Variants in AEBP2 observed in about 807,000 individuals in gnomAD.
AEBP2 encodes the protein AE binding protein 2.
Under a neutral mutation model 50.8 loss-of-function variants are expected in AEBP2, and 10 were observed. The observed-to-expected ratio is 0.20, with a 90% CI of 0.12 to 0.33. AEBP2 has a LOEUF of 0.33. AEBP2 is among the 10% of genes least tolerant of loss of function. The pLI is 1.00. For synonymous variants in AEBP2, 296 were observed against 261.3 expected, an observed-to-expected ratio of 1.13 and a Z score of -1.28; for missense variants, 570 against 688.0, an observed-to-expected ratio of 0.83 and a Z score of 1.92.
At chr12:19,448,116 A>C (rs1010532738) in intron 1 of AEBP2, among the ~76,000 whole-genome samples, 13 of 151,990 alleles carry the variant, frequency 8.6e-5, no homozygotes, top group African/African-American at 2.9e-4. Context: ...TATGTTGCCG[A>C]GACTGGTTTT....
At chr12:19,455,205 T>C (rs2638421) in intron 1 of AEBP2, among the ~76,000 whole-genome samples, 1 of 151,940 alleles carries the variant, frequency 6.6e-6, no homozygotes, top group Non-Finnish European at 1.5e-5. Context: ...GTTGCCCAGG[T>C]TGCTCTTGAA....
chr12:19,501,217 GTTAC>G (rs1949068998), intron 5 of AEBP2, among the ~76,000 whole-genome samples: 1 of 151,728 alleles, frequency 6.6e-6, no homozygotes, highest in Non-Finnish European at 1.5e-5. Context: ...TGCAATCCCA[GTTAC>G]TTGGGAGGCT....
At chr12:19,462,867 A>G (rs2153370308) in intron 2 of AEBP2, 150 bp downstream of exon 2, 1 of 723,346 alleles carries the variant, frequency 1.4e-6, no homozygotes, top group Non-Finnish European at 2.2e-6. Flanking sequence ...ATTATTTCCC[A>G]TATACTTGAT....
chr12:19,489,623 A>G (rs1241065314), intron 3 of AEBP2, among the ~76,000 whole-genome samples: 2 of 152,204 alleles, frequency 1.3e-5, no homozygotes, highest in Non-Finnish European at 2.9e-5. Context: ...GTGAAAATAT[A>G]AAACATATTT....
intron 1 of AEBP2, among the ~76,000 whole-genome samples, chr12:19,444,115 TA>T (rs1302996099): frequency 6.6e-6 from 1 of 152,192 alleles, no homozygotes; most frequent in African/African-American, 2.4e-5. Context: ...TTAAAAAAGT[TA>T]TGCTCTTAGG....
intron 7 of AEBP2, 74 bp downstream of exon 7, chr12:19,514,858 G>C: frequency 1.7e-6 from 2 of 1,164,524 alleles, no homozygotes; most frequent in African/African-American, 1.6e-5. Context: ...GATAAATTAG[G>C]ACTTAGTTTT....
At chr12:19,513,165 CTTTG>C (rs1949261935) in intron 6 of AEBP2, among the ~76,000 whole-genome samples, 1 of 152,076 alleles carries the variant, frequency 6.6e-6, no homozygotes, top group African/African-American at 2.4e-5. Context: ...ATAGCTGTGC[CTTTG>C]TTTGAATCTT....
intron 1 of AEBP2, among the ~76,000 whole-genome samples, chr12:19,417,792 C>T (rs556258388): frequency 2.0e-5 from 3 of 151,944 alleles, no homozygotes; most frequent in Admixed American, 6.6e-5. Context: ...GCAATTTCCA[C>T]GTCCTGGGTT....
In AEBP2 at chr12:19,501,804, T is replaced by TTTTTTG. The variant is rs1555187209; in HGVS notation, c.1299+1588_1299+1589insGTTTTT. On this transcript the variant is annotated intron_variant, in intron 5 of 7. Transcript: ENST00000266508. Reference sequence around the variant, plus strand: ...TCCTATAAAAATGAGTTTGTTTTTTTTTTTTTTTTTTTTGCATTTTCATGT... The same window carrying TTTTTTG: ...TCCTATAAAAATGAGTTTGTTTTTTTTTTTTGTTTTTTTTTTTTTGCATTTTCATGT... Among the ~76,000 whole-genome samples the TTTTTTG allele has an allele frequency of 6.0e-4, 83 of 138,684 alleles. 1 individual carries two copies. The highest frequency in any genetic ancestry group is 3.6e-3 in the Middle Eastern group (1 of 278). 91.0% of individuals were successfully genotyped at this position (138,684 alleles called of 152,430 possible). A position where few individuals can be genotyped will look rare whatever the true frequency, so the allele number is the denominator to read the frequency against.
In AEBP2 at chr12:19,519,877, A is replaced by C. The variant is rs952771356; in HGVS notation, c.*1760A>C. On this transcript the variant is annotated 3_prime_UTR_variant, in exon 8 of 8. Coordinates refer to ENST00000266508, the MANE Select transcript of AEBP2 (RefSeq NM_153207.5). Reference sequence around the variant, plus strand: ...AAGTGCAAATAAAAGCACTGCTACTATAAGACATTCTGGAATGGTTGTTTA... The same window carrying C: ...AAGTGCAAATAAAAGCACTGCTACTCTAAGACATTCTGGAATGGTTGTTTA... 1 of 152,584 alleles carries C rather than the reference A, an allele frequency of 6.6e-6. No individual in the cohort carries two copies. Among genetic ancestry groups the C allele is most frequent in the African/African-American group, 2.4e-5 (1 of 41,598 alleles). 9.5% of individuals were successfully genotyped at this position (152,584 alleles called of 1,614,324 possible).
intron 6 of AEBP2, among the ~76,000 whole-genome samples, chr12:19,513,676 T>C (rs536458750): frequency 6.6e-6 from 1 of 152,236 alleles, no homozygotes; most frequent in South Asian, 2.1e-4. Flanking sequence ...GGCGGGAAGA[T>C]TGATTGAGCC....
At position 19,518,218 on chromosome 12, in the gene AEBP2, CTTTTTT is replaced by C. The variant is rs34795094; in HGVS notation, c.*116_*121del. The C allele has an allele frequency of 4.1e-5, 46 of 1,131,668 alleles. No homozygotes were observed. Among genetic ancestry groups the C allele is most frequent in the South Asian group, 1.9e-4 (7 of 37,798 alleles). 70.1% of individuals were successfully genotyped at this position (1,131,668 alleles called of 1,614,324 possible). A position where few individuals can be genotyped will look rare whatever the true frequency, so the allele number is the denominator to read the frequency against. On this transcript the variant is annotated 3_prime_UTR_variant, in exon 8 of 8. Coordinates refer to ENST00000266508, the MANE Select transcript of AEBP2 (RefSeq NM_153207.5). ...AGTTGCACATTAGAGTCAACCCCTTCTTTTTTTTTTTTTTTTTTTTAAATCCAGTAT... is the reference window on the plus strand; with the variant it reads ...AGTTGCACATTAGAGTCAACCCCTTCTTTTTTTTTTTTTTAAATCCAGTAT...
intron 1 of AEBP2, among the ~76,000 whole-genome samples, chr12:19,444,841 C>A (rs1030322941): frequency 6.6e-6 from 1 of 152,132 alleles, no homozygotes; most frequent in Non-Finnish European, 1.5e-5. Flanking sequence ...GTGGTGAATA[C>A]TCCATTAATT....
intron 5 of AEBP2, chr12:19,509,002 T>G: frequency 1.8e-6 from 1 of 548,044 alleles, no homozygotes; most frequent in East Asian, 4.2e-5. Flanking sequence ...TTGTTTACCT[T>G]TTTACTAAGA....
At chr12:19,460,589 T>A (rs918013736) in intron 1 of AEBP2, among the ~76,000 whole-genome samples, 1 of 151,946 alleles carries the variant, frequency 6.6e-6, no homozygotes, top group Non-Finnish European at 1.5e-5. Flanking sequence ...CCTGACCTTG[T>A]GATCCACCCA....
At chr12:19,472,512 T>C (rs1350658919) in intron 2 of AEBP2, among the ~76,000 whole-genome samples, 1 of 152,180 alleles carries the variant, frequency 6.6e-6, no homozygotes, top group East Asian at 1.9e-4. Flanking sequence ...GAACCTAGAA[T>C]GTGGATCTGT....
Position 19,520,153 on chromosome 12 carries a change from A to T in AEBP2, c.*2036A>T, listed in dbSNP as rs1274123656. The T allele has an allele frequency of 6.6e-6, 1 of 152,476 alleles. No individual in the cohort carries two copies. Among genetic ancestry groups the T allele is most frequent in the Non-Finnish European group, 1.5e-5 (1 of 67,996 alleles). 9.4% of individuals were successfully genotyped at this position (152,476 alleles called of 1,614,324 possible). A position where few individuals can be genotyped will look rare whatever the true frequency, so the allele number is the denominator to read the frequency against. ...TATTTTATTGCCTCATGTTCTTGTA[A>T]GTCATTCTTAATTGACCAATGATTG... is the stretch of plus-strand genomic sequence containing the variant. On this transcript the variant is annotated 3_prime_UTR_variant, in exon 8 of 8. Coordinates refer to ENST00000266508, the MANE Select transcript of AEBP2 (RefSeq NM_153207.5).
At chr12:19,501,850 C>T (rs1285583778) in intron 5 of AEBP2, among the ~76,000 whole-genome samples, 1 of 122,064 alleles carries the variant, frequency 8.2e-6, no homozygotes, top group Admixed American at 1.0e-4. Flanking sequence ...GTGCAGTCAT[C>T]CCTCTGTATT....
At chr12:19,430,175 A>C (rs1189185782) in intron 1 of AEBP2, among the ~76,000 whole-genome samples, 2 of 152,196 alleles carry the variant, frequency 1.3e-5, no homozygotes, top group African/African-American at 2.4e-5. Flanking sequence ...GAAGGGATCC[A>C]GTTTCAGCTT....
Sources: allele counts gnomAD v4.1 joint callset (sites outside exome capture counted in the v4.1 genomes callset), GRCh38; gene constraint gnomAD v4.1.1; transcripts MANE v1.5; gene names NCBI Gene and HGNC (gene_info 2026-07-23, HGNC 2026-07-21).